DYNC1I2: variants seen among roughly 807,000 people sequenced by gnomAD.
The protein encoded by DYNC1I2 is cytoplasmic dynein 1 intermediate chain 2.
Under a neutral mutation model 88.6 loss-of-function variants are expected in DYNC1I2, and 53 were observed. The ratio of observed to expected loss-of-function variants is 0.60; its 90% CI spans 0.48 to 0.75. The LOEUF is 0.75. Ranked by LOEUF, DYNC1I2 falls within the 30% of genes least tolerant of loss-of-function variation. The pLI, the probability that DYNC1I2 is intolerant of heterozygous loss-of-function variation, is 0.00. For missense variants in DYNC1I2, 458 were observed against 766.6 expected, an observed-to-expected ratio of 0.60 and a Z score of 4.75; for synonymous variants, 198 against 254.6, an observed-to-expected ratio of 0.78 and a Z score of 2.12.
chr2:171,692,046 C>T (rs900545573), intron 2 of DYNC1I2, among the ~76,000 whole-genome samples: 3 of 151,966 alleles, frequency 2.0e-5, no homozygotes, highest in Non-Finnish European at 4.4e-5. Flanking sequence ...CAGACAGTGT[C>T]TGAGTAATAG....
rs1687215636 is a variant in DYNC1I2, at chr2:171,712,826, G to A, written c.395G>A (p.Gly132Glu). The change falls in exon 6 of 18, where the codon GGA becomes GAA. Residue 132 changes from glycine to glutamate, a missense_variant and splice_region_variant. Around this residue, in one of 5 missense-constraint regions of DYNC1I2, gnomAD observed 203 missense variants for 354.2 expected, o/e 0.57. Transcript: ENST00000397119. ...VLQLHSDSDL[G>E]RGPIKLGMAK... Reference sequence around the variant, plus strand: ...CAGCTTCACTCAGATTCCGATTTGGGGTATTGAATAGATTTTTTACCTTCC... The same window carrying A: ...CAGCTTCACTCAGATTCCGATTTGGAGTATTGAATAGATTTTTTACCTTCC... 2 of 1,611,734 alleles carry A rather than the reference G, an allele frequency of 1.2e-6. No individual in the cohort carries two copies. Among genetic ancestry groups the A allele is most frequent in the Non-Finnish European group, 1.7e-6 (2 of 1,178,484 alleles).
intron 15 of DYNC1I2, among the ~76,000 whole-genome samples, chr2:171,731,913 C>T (rs1440427955): frequency 2.0e-5 from 3 of 152,224 alleles, no homozygotes; most frequent in Admixed American, 6.5e-5. Context: ...AGTATGAAAC[C>T]GCTCAGTGAG....
intron 15 of DYNC1I2, among the ~76,000 whole-genome samples, chr2:171,740,860 G>T (rs958759828): frequency 2.6e-5 from 4 of 152,012 alleles, no homozygotes; most frequent in Non-Finnish European, 5.9e-5. Flanking sequence ...GTGGTTCTTA[G>T]TATATTCACA....
intron 15 of DYNC1I2, among the ~76,000 whole-genome samples, chr2:171,738,048 T>G (rs1352502310): frequency 1.3e-5 from 2 of 152,088 alleles, no homozygotes; most frequent in Non-Finnish European, 2.9e-5. Flanking sequence ...TAGAAAATAC[T>G]CAGCCAGGCG....
rs116835588 is a variant in DYNC1I2 at position 171,714,884 on chromosome 2, T to A, written c.396-444T>A. On this transcript the variant is annotated intron_variant, in intron 6 of 17. Transcript: ENST00000397119. ...AAAAGCTTTCAACAGAAACCTGTTT[T>A]TCAGTCGTAAAGCTGAATTCTCCTA... Among the ~76,000 whole-genome samples the A allele has an allele frequency of 4.9e-3, 749 of 152,316 alleles. 5 individuals carry two copies. Among genetic ancestry groups the A allele is most frequent in the African/African-American group, 0.017 (704 of 41,574 alleles).
chr2:171,699,221 C>A (rs1435899652), intron 3 of DYNC1I2, among the ~76,000 whole-genome samples: 1 of 151,600 alleles, frequency 6.6e-6, no homozygotes, highest in Non-Finnish European at 1.5e-5. Flanking sequence ...GCAGGAGAAT[C>A]GCTTGAACTC....
At chr2:171,734,297 C>T (rs184090833) in intron 15 of DYNC1I2, among the ~76,000 whole-genome samples, 2 of 152,272 alleles carry the variant, frequency 1.3e-5, no homozygotes, top group Admixed American at 1.3e-4. Flanking sequence ...TTCATCTTGA[C>T]TAATCAAGGA....
intron 7 of DYNC1I2, among the ~76,000 whole-genome samples, chr2:171,716,675 G>C (rs1224187915): frequency 6.6e-6 from 1 of 152,108 alleles, no homozygotes; most frequent in East Asian, 1.9e-4. Context: ...GGAGACCAAG[G>C]CAGGTGGATT....
intron 10 of DYNC1I2, 180 bp from the exon 11 acceptor site, chr2:171,726,611 C>A (rs954956030): frequency 1.6e-6 from 1 of 627,130 alleles, no homozygotes; most frequent in Non-Finnish European, 2.5e-6. Flanking sequence ...AAATAATTAA[C>A]TGTTCTAATT....
intron 5 of DYNC1I2, among the ~76,000 whole-genome samples, chr2:171,711,682 T>A (rs1687137301): frequency 4.6e-5 from 7 of 152,254 alleles, no homozygotes; most frequent in Non-Finnish European, 1.5e-5. Context: ...GATCTTTCTT[T>A]ATATTTTTTA....
At chr2:171,725,831 A>G (rs1688215045) in intron 8 of DYNC1I2, 88 bp from the exon 9 acceptor site, 1 of 1,323,894 alleles carries the variant, frequency 7.6e-7, no homozygotes, top group South Asian at 1.4e-5. Flanking sequence ...ATTGAAAAAT[A>G]ATAACATACA....
chr2:171,715,198 T>A, intron 6 of DYNC1I2, 130 bp from the exon 7 acceptor site: 1 of 547,488 alleles, frequency 1.8e-6, no homozygotes, highest in Non-Finnish European at 3.2e-6. Context: ...TTATTGTTAA[T>A]CTAAAATTTC....
intron 15 of DYNC1I2, among the ~76,000 whole-genome samples, chr2:171,736,063 T>C (rs1353497509): frequency 6.6e-6 from 1 of 152,224 alleles, no homozygotes; most frequent in African/African-American, 2.4e-5. Context: ...GCTTACTTAG[T>C]TAACTCTCAG....
intron 15 of DYNC1I2, among the ~76,000 whole-genome samples, chr2:171,743,283 G>GT (rs1234361696): frequency 6.6e-6 from 1 of 152,174 alleles, no homozygotes; most frequent in Non-Finnish European, 1.5e-5. Context: ...TCACAGTTGA[G>GT]TAGGCTGAGG....
chr2:171,730,306 T>C (rs1688522603), intron 15 of DYNC1I2, among the ~76,000 whole-genome samples: 10 of 152,234 alleles, frequency 6.6e-5, no homozygotes, highest in Admixed American at 6.5e-4. Flanking sequence ...CAATAAGTCC[T>C]GTATAATATG....
chr2:171,727,319 T>C (rs1688319313), intron 11 of DYNC1I2, among the ~76,000 whole-genome samples: 1 of 152,160 alleles, frequency 6.6e-6, no homozygotes. Flanking sequence ...AACTAGATGG[T>C]TTTAAGTAGA....
chr2:171,698,589 G>C (rs1685960784), intron 3 of DYNC1I2, among the ~76,000 whole-genome samples: 1 of 152,038 alleles, frequency 6.6e-6, no homozygotes, highest in Non-Finnish European at 1.5e-5. Flanking sequence ...GGTCTCACAG[G>C]CCAGGCACGG....
intron 7 of DYNC1I2, 125 bp from the exon 8 acceptor site, chr2:171,725,493 A>G (rs1473747270): frequency 4.2e-5 from 25 of 594,082 alleles, no homozygotes; most frequent in East Asian, 2.2e-4. Context: ...ACTTTTGCTT[A>G]TATCTTGGGA....
At chr2:171,699,279 C>G (rs1686025510) in intron 3 of DYNC1I2, among the ~76,000 whole-genome samples, 1 of 152,128 alleles carries the variant, frequency 6.6e-6, no homozygotes, top group South Asian at 2.1e-4. Context: ...TGCACTCCAG[C>G]CTGGGCAACA....
Sources: gnomAD v4.1 joint callset for allele counts (sites outside exome capture counted in the v4.1 genomes callset) on GRCh38, gnomAD v4.1.1 for gene constraint, gnomAD v4.1.1 regional missense constraint, MANE v1.5 for transcripts, NCBI Gene and HGNC (gene_info 2026-07-23, HGNC 2026-07-21) for gene names.